The following NCOA1 variants were observed in gnomAD, a reference collection of about 807,000 sequenced individuals.
The protein encoded by NCOA1 is nuclear receptor coactivator 1.
NCOA1 carries 35 observed loss-of-function variants against 150.9 expected under a neutral mutation model. The ratio of observed to expected loss-of-function variants is 0.23; its 90% CI spans 0.18 to 0.31. The LOEUF is 0.31. Among genes scored for constraint, NCOA1 ranks in the 10% least tolerant of loss-of-function variants. The pLI is 1.00. For synonymous variants in NCOA1, 590 were observed against 630.0 expected, an observed-to-expected ratio of 0.94 and a Z score of 0.95; for missense variants, 1,491 against 1,749.3, an observed-to-expected ratio of 0.85 and a Z score of 2.63.
At chr2:24,709,043 A>C (rs1395449047) in intron 13 of NCOA1, among the ~76,000 whole-genome samples, 1 of 152,128 alleles carries the variant, frequency 6.6e-6, no homozygotes, top group Non-Finnish European at 1.5e-5. Flanking sequence ...CTTTGTAGTA[A>C]CACTATTTTG....
chr2:24,628,338 C>T (rs541804831), intron 3 of NCOA1, among the ~76,000 whole-genome samples: 16 of 151,708 alleles, frequency 1.1e-4, no homozygotes, highest in African/African-American at 2.9e-4. Context: ...TACCCCACCT[C>T]GTGCCATTAT....
At chr2:24,741,033 C>T (rs1663574566) in intron 18 of NCOA1, among the ~76,000 whole-genome samples, 1 of 152,054 alleles carries the variant, frequency 6.6e-6, no homozygotes, top group Non-Finnish European at 1.5e-5. Context: ...AATAATAATA[C>T]AAAATAGCTG....
At chr2:24,742,239 C>A in intron 19 of NCOA1, 53 bp downstream of exon 19, 1 of 1,523,718 alleles carries the variant, frequency 6.6e-7, no homozygotes, top group East Asian at 2.3e-5. Flanking sequence ...AGGCTTAGGT[C>A]TCTCTCCATC....
chr2:24,572,498 G>A (rs1284801340), intron 2 of NCOA1, among the ~76,000 whole-genome samples: 3 of 152,160 alleles, frequency 2.0e-5, no homozygotes, highest in African/African-American at 7.2e-5. Context: ...ATGAAAGGAG[G>A]CACATAGCCT....
intron 3 of NCOA1, among the ~76,000 whole-genome samples, chr2:24,596,158 TA>T: frequency 6.6e-6 from 1 of 152,196 alleles, no homozygotes; most frequent in East Asian, 1.9e-4. Flanking sequence ...TGACAAGGAT[TA>T]AACTACAGTA....
chr2:24,661,270 A>G (rs1038168366), intron 5 of NCOA1, among the ~76,000 whole-genome samples: 1 of 152,106 alleles, frequency 6.6e-6, no homozygotes, highest in Admixed American at 6.5e-5. Context: ...AGATAAACTG[A>G]TCACCTTTTT....
At chr2:24,632,604 C>T (rs923749887) in intron 3 of NCOA1, among the ~76,000 whole-genome samples, 2 of 152,090 alleles carry the variant, frequency 1.3e-5, no homozygotes, top group African/African-American at 2.4e-5. Flanking sequence ...ATTATTGGCT[C>T]CCAAATTGAA....
intron 3 of NCOA1, among the ~76,000 whole-genome samples, chr2:24,590,226 G>T (rs1379180033): frequency 1.3e-5 from 2 of 152,080 alleles, no homozygotes; most frequent in Non-Finnish European, 2.9e-5. Flanking sequence ...CATAGAATAG[G>T]AGGGAAGTCA....
chr2:24,548,259 A>G (rs1309028517), intron 1 of NCOA1, among the ~76,000 whole-genome samples: 2 of 152,178 alleles, frequency 1.3e-5, no homozygotes, highest in Non-Finnish European at 2.9e-5. Context: ...GAAGGCAAAG[A>G]AAGAGGGCAT....
chr2:24,561,095 A>G (rs1666275783), intron 1 of NCOA1, among the ~76,000 whole-genome samples: 1 of 152,246 alleles, frequency 6.6e-6, no homozygotes, highest in Non-Finnish European at 1.5e-5. Flanking sequence ...ATACTGCTGA[A>G]TAAAAAGTAA....
chr2:24,634,284 A>G (rs1465771948), intron 3 of NCOA1, among the ~76,000 whole-genome samples: 1 of 152,206 alleles, frequency 6.6e-6, no homozygotes, highest in African/African-American at 2.4e-5. Flanking sequence ...TTCTTTAAAA[A>G]GAAAATAAAT....
At chr2:24,540,610 C>T (rs959755820) in intron 1 of NCOA1, among the ~76,000 whole-genome samples, 2 of 152,094 alleles carry the variant, frequency 1.3e-5, no homozygotes, top group Non-Finnish European at 2.9e-5. Flanking sequence ...AGGCGCGTGC[C>T]ACCACACCTG....
chr2:24,537,476 ATATG>A (rs776488711), intron 1 of NCOA1, among the ~76,000 whole-genome samples: 53 of 150,256 alleles, frequency 3.5e-4, no homozygotes, highest in Non-Finnish European at 6.5e-4. Flanking sequence ...TATATATAAT[ATATG>A]TATGTGTGTG....
At chr2:24,644,714 T>C (rs1670384559) in intron 4 of NCOA1, among the ~76,000 whole-genome samples, 1 of 151,526 alleles carries the variant, frequency 6.6e-6, no homozygotes, top group Admixed American at 6.6e-5. Context: ...AGTTGAAGAG[T>C]GATCAGAAAC....
chr2:24,502,889 T>C (rs780142803), intron 1 of NCOA1, among the ~76,000 whole-genome samples: 3 of 152,244 alleles, frequency 2.0e-5, no homozygotes, highest in Non-Finnish European at 2.9e-5. Flanking sequence ...ACTCTCAGTA[T>C]TTATTTTCCT....
chr2:24,501,694 G>A (rs1466010809), intron 1 of NCOA1, among the ~76,000 whole-genome samples: 1 of 152,100 alleles, frequency 6.6e-6, no homozygotes, highest in Non-Finnish European at 1.5e-5. Context: ...CTAACCTGGG[G>A]TTCATAGAAT....
At chr2:24,724,283 T>C (rs751978179) in intron 14 of NCOA1, among the ~76,000 whole-genome samples, 1 of 152,186 alleles carries the variant, frequency 6.6e-6, no homozygotes, top group Non-Finnish European at 1.5e-5. Context: ...TATTGTCCTG[T>C]ATTACATGTA....
chr2:24,681,839 C>A (rs1672191039), intron 7 of NCOA1, among the ~76,000 whole-genome samples: 1 of 152,074 alleles, frequency 6.6e-6, no homozygotes, highest in South Asian at 2.1e-4. Context: ...CTCAGCCTCC[C>A]AAGTAACTGG....
intron 1 of NCOA1, among the ~76,000 whole-genome samples, chr2:24,531,613 C>T (rs1044431143): frequency 2.6e-5 from 4 of 152,252 alleles, no homozygotes; most frequent in South Asian, 2.1e-4. Context: ...ACCAGCCTCC[C>T]GCCCCCTGAT....
Sources: gnomAD v4.1 joint callset for allele counts (sites outside exome capture counted in the v4.1 genomes callset) on GRCh38, gnomAD v4.1.1 for gene constraint, MANE v1.5 for transcripts, NCBI Gene and HGNC (gene_info 2026-07-23, HGNC 2026-07-21) for gene names.